The following ZNF581 variants were observed in gnomAD, a reference collection of about 807,000 sequenced individuals.
ZNF581 encodes the protein zinc finger protein 581.
ZNF581 carries 1 observed loss-of-function variant against 1.2 expected under a neutral mutation model. The ratio of observed to expected loss-of-function variants is 0.83; its 90% CI spans 0.30 to 3.95. The LOEUF (loss-of-function observed/expected upper bound fraction) is 3.95. ZNF581 is among the 30% of genes most tolerant of loss of function. ZNF581 has a pLI of 0.18. For synonymous variants in ZNF581, 105 were observed against 109.2 expected (o/e 0.96, Z 0.24); for missense variants, 273 against 274.6 (o/e 0.99, Z 0.04).
upstream of ZNF581, among the ~76,000 whole-genome samples, chr19:55,636,534 T>G (rs1050275540): frequency 1.3e-5 from 2 of 152,208 alleles, no homozygotes; most frequent in African/African-American, 2.4e-5. Context: ...ATGTATTCAT[T>G]CAACCAATAT....
chr19:55,642,623 C>T (rs766393842), upstream of ZNF581: 5 of 1,453,736 alleles, frequency 3.4e-6, no homozygotes, highest in Admixed American at 8.0e-5. Flanking sequence ...CTCCTCCACT[C>T]CTTCCTCGGC....
At chr19:55,640,546 A>G, upstream of ZNF581, 1 of 985,350 alleles carries the variant, frequency 1.0e-6, no homozygotes. Flanking sequence ...TTCCCCAACT[A>G]TCTGGCAGCG....
At position 55,645,177 on chromosome 19, in the gene ZNF581, G is replaced by A. The variant is rs373148991; in HGVS notation, c.*12G>A. 17 of 1,511,786 alleles carry A rather than the reference G, an allele frequency of 1.1e-5. No individual in the cohort carries two copies. The South Asian group carries it at 1.3e-4, about 12-fold the overall frequency. 93.6% of individuals were successfully genotyped at this position (1,511,786 alleles called of 1,614,324 possible). ...GGAAGCATCCATGAGCCGGGCTGCCGGGTGCCCCAGGTACCACAGGACTTT... is the reference window on the plus strand; with the variant it reads ...GGAAGCATCCATGAGCCGGGCTGCCAGGTGCCCCAGGTACCACAGGACTTT... On this transcript the variant is annotated 3_prime_UTR_variant, in exon 2 of 2. Coordinates refer to ENST00000270451, the MANE Select transcript of ZNF581 (RefSeq NM_016535.4).
chr19:55,639,369 G>T (rs918311055), upstream of ZNF581, among the ~76,000 whole-genome samples: 1 of 152,210 alleles, frequency 6.6e-6, no homozygotes, highest in Non-Finnish European at 1.5e-5. Context: ...GATCACTTGT[G>T]CCTGGGAGGG....
At chr19:55,638,651 C>G (rs1008906198), upstream of ZNF581, among the ~76,000 whole-genome samples, 1 of 152,016 alleles carries the variant, frequency 6.6e-6, no homozygotes, top group Admixed American at 6.6e-5. Flanking sequence ...CAAATGCCTC[C>G]CACCAAGCCC....
chr19:55,643,813 C>CGGCGGGA (rs1365564254), intron 1 of ZNF581, 39 bp downstream of exon 1: 1 of 137,348 alleles, frequency 7.3e-6, no homozygotes, highest in Non-Finnish European at 1.6e-5. Flanking sequence ...TGGGGGCGGG[C>CGGCGGGA]GGCGGGAGGG....
At chr19:55,639,550 A>G (rs1261666539), upstream of ZNF581, among the ~76,000 whole-genome samples, 1 of 152,210 alleles carries the variant, frequency 6.6e-6, no homozygotes, top group Non-Finnish European at 1.5e-5. Context: ...CCAGTTTACA[A>G]CTGGTTGACA....
At chr19:55,638,235 G>T (rs186981222), upstream of ZNF581, among the ~76,000 whole-genome samples, 18 of 144,232 alleles carry the variant, frequency 1.2e-4, no homozygotes, top group African/African-American at 4.5e-4. Flanking sequence ...ACGCTTTTTT[G>T]TTTGTTTGTT....
rs1982706373 is a variant in ZNF581 at position 55,644,039 on chromosome 19, G to GT, written c.-20+266dup. ...GAGAGAACCTGAGGTGGGTGGACGG[G>GT]TGGGAGCACGGAGTTGTTCAGACAC... On this transcript the variant is annotated intron_variant, in intron 1 of 1. Coordinates refer to ENST00000270451, the MANE Select transcript of ZNF581 (RefSeq NM_016535.4). The surrounding 1 kb of genome is among the most constrained non-coding windows in gnomAD (Gnocchi z 4.3). Among the ~76,000 whole-genome samples the GT allele has an allele frequency of 6.6e-6, 1 of 152,226 alleles. No individual in the cohort carries two copies. Among genetic ancestry groups the GT allele is most frequent in the African/African-American group, 2.4e-5 (1 of 41,458 alleles).
At chr19:55,638,913 G>A (rs1568534779), upstream of ZNF581, among the ~76,000 whole-genome samples, 1 of 146,728 alleles carries the variant, frequency 6.8e-6, no homozygotes, top group Non-Finnish European at 1.5e-5. Context: ...GTGGAAACAG[G>A]AGAATCACCT....
At chr19:55,642,890 G>A (rs762882983), upstream of ZNF581, 5 of 1,557,970 alleles carry the variant, frequency 3.2e-6, no homozygotes, top group African/African-American at 1.4e-5. Flanking sequence ...CTGCGGCAAG[G>A]CCTTCAAGCG....
At chr19:55,641,205 G>A, upstream of ZNF581, 2 of 984,588 alleles carry the variant, frequency 2.0e-6, no homozygotes, top group Non-Finnish European at 2.4e-6. Context: ...GGGATGGAGG[G>A]AGGAGCCTGG....
chr19:55,642,649 C>G (rs758724546), upstream of ZNF581: 3 of 1,431,214 alleles, frequency 2.1e-6, no homozygotes, highest in Admixed American at 8.7e-5. Flanking sequence ...GGCCCCGACC[C>G]CCGCGGCTGG....
chr19:55,642,122 G>T, upstream of ZNF581: 1 of 1,011,318 alleles, frequency 9.9e-7, no homozygotes, highest in Non-Finnish European at 1.2e-6. Context: ...CGGCGGTCAG[G>T]AGGCCCGGGG....
Position 55,644,844 on chromosome 19 carries a change from G to A in ZNF581, c.273G>A (p.Val91=), listed in dbSNP as rs1226606078. 1.2e-5 allele frequency: 19 copies of A among 1,612,292 alleles called. No homozygotes were observed. Among genetic ancestry groups the A allele is most frequent in the Non-Finnish European group, 1.5e-5 (18 of 1,178,414 alleles). ...PGQKKCYSCP[V]CSRVFEYMSY... ...AGAAAAAGTGCTACAGCTGCCCCGT[G>A]TGCTCAAGGGTCTTCGAGTACATGT... Residue 91 remains valine, a synonymous_variant, in exon 2 of 2, where the codon GTG becomes GTA. Transcript: ENST00000270451. This position sits in a 1 kb window ranked among gnomAD's most constrained non-coding sequence, Gnocchi z 4.3.
upstream of ZNF581, chr19:55,642,577 C>T (rs1228516273): frequency 4.1e-6 from 6 of 1,450,160 alleles, no homozygotes; most frequent in African/African-American, 3.0e-5. Flanking sequence ...ACCCACCGCC[C>T]CCCAAGGCTC....
In ZNF581 at chr19:55,645,180, T is replaced by C; in HGVS notation, c.*15T>C. 6.6e-7 allele frequency: 1 copy of C among 1,511,488 alleles called. No homozygotes were observed. The highest frequency in any genetic ancestry group is 8.9e-7 in the Non-Finnish European group (1 of 1,128,082). 93.6% of individuals were successfully genotyped at this position (1,511,488 alleles called of 1,614,324 possible). A position where few individuals can be genotyped will look rare whatever the true frequency, so the allele number is the denominator to read the frequency against. On this transcript the variant is annotated 3_prime_UTR_variant, in exon 2 of 2. Transcript: ENST00000270451. ...AGCATCCATGAGCCGGGCTGCCGGG[T>C]GCCCCAGGTACCACAGGACTTTGCA...
upstream of ZNF581, chr19:55,642,343 G>A (rs986084195): frequency 1.1e-5 from 14 of 1,265,834 alleles, no homozygotes; most frequent in Non-Finnish European, 1.4e-5. Flanking sequence ...ACGTGGGAGA[G>A]CCGGGCTGGA....
chr19:55,641,190 G>C, upstream of ZNF581: 1 of 985,290 alleles, frequency 1.0e-6, no homozygotes, highest in Non-Finnish European at 1.2e-6. Context: ...CGGGGTACGG[G>C]GGCCGGGATG....
Sources: gnomAD v4.1 joint callset for allele counts (sites outside exome capture counted in the v4.1 genomes callset) on GRCh38, gnomAD v4.1.1 for gene constraint, Gnocchi (gnomAD v3.1) non-coding constraint, MANE v1.5 for transcripts, NCBI Gene and HGNC (gene_info 2026-07-23, HGNC 2026-07-21) for gene names.